The following DPYD variants were observed in gnomAD, a reference collection of about 807,000 sequenced individuals.
The protein encoded by DPYD is dihydropyrimidine dehydrogenase [NADP(+)].
Under a neutral mutation model 116.2 loss-of-function variants are expected in DPYD, and 109 were observed. The ratio of observed to expected loss-of-function variants is 0.94; its 90% CI spans 0.80 to 1.10. DPYD has a LOEUF of 1.10. Among genes scored for constraint, DPYD ranks in the 50% least tolerant of loss-of-function variants. The probability of loss-of-function intolerance (pLI) is 0.00; values close to 1 mark genes in which losing one functional copy is unlikely to be tolerated. For missense variants in DPYD, 1,302 were observed against 1,254.5 expected (o/e 1.04, Z -0.57); for synonymous variants, 440 against 432.0 (o/e 1.02, Z -0.23).
At chr1:97,503,862 T>C (rs1233936960) in intron 13 of DPYD, among the ~76,000 whole-genome samples, 1 of 152,078 alleles carries the variant, frequency 6.6e-6, no homozygotes, top group Non-Finnish European at 1.5e-5. Flanking sequence ...CATTTTCATA[T>C]ACTAAATGTC....
chr1:97,659,990 G>A lies in DPYD; in HGVS notation c.850+19105C>T, dbSNP rs556331722. ...AAAATGCCCTATATTCTTTCCAATA[G>A]TAATACTCTGTAATGGCATGGTGGT... On this transcript the variant is annotated intron_variant, in intron 8 of 22. Coordinates refer to ENST00000370192, the MANE Select transcript of DPYD (RefSeq NM_000110.4). Among the ~76,000 whole-genome samples the A allele has an allele frequency of 9.9e-5, 15 of 152,160 alleles. No homozygotes were observed. The East Asian group carries it at 2.9e-3, about 29-fold the overall frequency.
At chr1:97,798,619 A>C (rs553621561) in intron 3 of DPYD, among the ~76,000 whole-genome samples, 1 of 152,080 alleles carries the variant, frequency 6.6e-6, no homozygotes, top group East Asian at 1.9e-4. Context: ...CCATGTACGT[A>C]CAATATGGGC....
chr1:97,490,508 A>T (rs1335171738), intron 13 of DPYD, among the ~76,000 whole-genome samples: 1 of 148,024 alleles, frequency 6.8e-6, no homozygotes, highest in Non-Finnish European at 1.5e-5. Context: ...TAATTATATT[A>T]ATAATATAAT....
At chr1:97,699,664 G>T in intron 5 of DPYD, 117 bp from the exon 6 acceptor site, 1 of 978,236 alleles carries the variant, frequency 1.0e-6, no homozygotes, top group Non-Finnish European at 1.6e-6. Context: ...TACATTTTCA[G>T]TATTAATATG....
At chr1:97,111,271 G>C (rs1651575601) in intron 20 of DPYD, among the ~76,000 whole-genome samples, 1 of 152,050 alleles carries the variant, frequency 6.6e-6, no homozygotes, top group Non-Finnish European at 1.5e-5. Context: ...AACTATGACA[G>C]ATGATTCCTC....
intron 3 of DPYD, among the ~76,000 whole-genome samples, chr1:97,796,255 G>A (rs1667563732): frequency 6.6e-6 from 1 of 152,030 alleles, no homozygotes; most frequent in African/African-American, 2.4e-5. Flanking sequence ...ATAGATGTAA[G>A]TACTAAAAAG....
chr1:97,239,160 T>C (rs895952331), intron 18 of DPYD, among the ~76,000 whole-genome samples: 3 of 152,182 alleles, frequency 2.0e-5, no homozygotes, highest in Admixed American at 1.3e-4. Context: ...GTGTGTTGAA[T>C]TCATAGATTG....
chr1:97,386,726 A>G (rs1672368679), intron 14 of DPYD, among the ~76,000 whole-genome samples: 1 of 152,104 alleles, frequency 6.6e-6, no homozygotes, highest in South Asian at 2.1e-4. Context: ...TCCTTATCTA[A>G]AGCCAGAGGA....
At chr1:97,210,670 TTG>T (rs1485769043) in intron 19 of DPYD, among the ~76,000 whole-genome samples, 5 of 152,306 alleles carry the variant, frequency 3.3e-5, no homozygotes, top group Admixed American at 1.3e-4. Context: ...ATTTTCAGGC[TTG>T]AGACATGTCT....
chr1:97,776,302 T>C (rs916228071), intron 3 of DPYD, among the ~76,000 whole-genome samples: 1 of 152,180 alleles, frequency 6.6e-6, no homozygotes, highest in Non-Finnish European at 1.5e-5. Context: ...TCTCAGTCTA[T>C]ATTTTGCTCC....
chr1:97,398,502 G>C (rs1673146754), intron 14 of DPYD, among the ~76,000 whole-genome samples: 1 of 151,760 alleles, frequency 6.6e-6, no homozygotes, highest in Non-Finnish European at 1.5e-5. Flanking sequence ...TCTAGTTCTA[G>C]ATCCCTGAGG....
chr1:97,418,491 G>C (rs1674402259), intron 14 of DPYD, among the ~76,000 whole-genome samples: 1 of 151,852 alleles, frequency 6.6e-6, no homozygotes. Context: ...GTAGAGACGG[G>C]GTTTCACCAT....
chr1:97,724,953 AAGAG>A (rs71590231), intron 4 of DPYD, among the ~76,000 whole-genome samples: 2,584 of 118,892 alleles, frequency 0.022, 30 homozygotes, highest in African/African-American at 0.029. Context: ...GAGGGAAGGA[AAGAG>A]AGAGAGAGAG....
At chr1:97,363,404 A>G (rs1670850417) in intron 16 of DPYD, among the ~76,000 whole-genome samples, 1 of 152,162 alleles carries the variant, frequency 6.6e-6, no homozygotes, top group Non-Finnish European at 1.5e-5. Flanking sequence ...CGATTTGTCA[A>G]GGATCTAGAA....
At chr1:97,172,516 G>A (rs1220950274) in intron 20 of DPYD, among the ~76,000 whole-genome samples, 1 of 152,152 alleles carries the variant, frequency 6.6e-6, no homozygotes, top group African/African-American at 2.4e-5. Context: ...AATTCACTTA[G>A]ATATCTCTGC....
chr1:97,488,717 G>A (rs931749753), intron 13 of DPYD, among the ~76,000 whole-genome samples: 3 of 152,174 alleles, frequency 2.0e-5, no homozygotes, highest in African/African-American at 7.2e-5. Context: ...GTCCACCAGT[G>A]TGCCATGTCA....
At chr1:97,129,988 T>G (rs1367302387) in intron 20 of DPYD, among the ~76,000 whole-genome samples, 7 of 152,184 alleles carry the variant, frequency 4.6e-5, no homozygotes, top group Non-Finnish European at 8.8e-5. Context: ...GCCTTTCCTG[T>G]TGATATTCTA....
rs911813787 is a variant in DPYD at position 97,256,006 on chromosome 1, C to T, written c.2300-21012G>A. Among the ~76,000 whole-genome samples, 5 of 152,152 alleles carry T rather than the reference C, an allele frequency of 3.3e-5. 1 individual carries two copies. The East Asian group carries it at 9.7e-4, about 29-fold the overall frequency. ...ATCTCCTAGATGAAAAGAATTAATG[C>T]TATTTCTATAAGAAATTAGTATTGA... is the stretch of plus-strand genomic sequence containing the variant. On this transcript the variant is annotated intron_variant, in intron 18 of 22. Transcript: ENST00000370192.
chr1:97,868,462 A>G (rs1199129160), intron 2 of DPYD, among the ~76,000 whole-genome samples: 1 of 151,842 alleles, frequency 6.6e-6, no homozygotes, highest in African/African-American at 2.4e-5. Flanking sequence ...TGAATTACCA[A>G]TTACCAGTCA....
Sources: allele counts gnomAD v4.1 joint callset (sites outside exome capture counted in the v4.1 genomes callset), GRCh38; gene constraint gnomAD v4.1.1; transcripts MANE v1.5; gene names NCBI Gene and HGNC (gene_info 2026-07-23, HGNC 2026-07-21).